Variants in CREB5 observed in about 807,000 individuals in gnomAD.
CREB5 encodes the protein cAMP responsive element binding protein 5.
A neutral mutation model predicts 57.1 loss-of-function variants in CREB5; 19 were observed. That is an observed-to-expected ratio of 0.33 (90% CI 0.23 to 0.49). The LOEUF (loss-of-function observed/expected upper bound fraction) is 0.49. Among genes scored for constraint, CREB5 ranks in the 20% least tolerant of loss-of-function variants. The pLI is 0.99. For missense variants in CREB5, 579 were observed against 671.6 expected (o/e 0.86, Z 1.52); for synonymous variants, 238 against 238.3 (o/e 1.00, Z 0.01).
intron 4 of CREB5, among the ~76,000 whole-genome samples, chr7:28,560,891 T>C (rs1197700618): frequency 0.067 from 1,311 of 19,590 alleles, 126 homozygotes; most frequent in South Asian, 0.15. Flanking sequence ...TGCGTGCGTG[T>C]GTGTGCGTGC....
rs554934404 is a variant in CREB5 at position 28,656,824 on chromosome 7, T to A, written c.465-61929T>A. Among the ~76,000 whole-genome samples the A allele has an allele frequency of 4.8e-4, 73 of 151,954 alleles. No homozygotes were observed. In the South Asian group the frequency reaches 0.014, roughly 29 times the overall value. ...CTTTGGTTATTACAAACCAATTTTT[T>A]GACCTTGTGCATTTACATCTAAGAA... On this transcript the variant is annotated intron_variant, in intron 5 of 10. Coordinates refer to ENST00000357727, the MANE Select transcript of CREB5 (RefSeq NM_182898.4).
intron 5 of CREB5, among the ~76,000 whole-genome samples, chr7:28,670,141 G>A (rs1001017496): frequency 4.6e-5 from 7 of 152,266 alleles, no homozygotes; most frequent in African/African-American, 1.4e-4. Context: ...TGATCATACC[G>A]AACCCTCTAT....
intron 1 of CREB5, among the ~76,000 whole-genome samples, chr7:28,426,829 G>C (rs905267251): frequency 6.6e-6 from 1 of 152,152 alleles, no homozygotes; most frequent in Non-Finnish European, 1.5e-5. Flanking sequence ...ACTGAATCTT[G>C]CCTAGTTTTG....
At chr7:28,461,854 A>G (rs982593947) in intron 1 of CREB5, among the ~76,000 whole-genome samples, 8 of 152,132 alleles carry the variant, frequency 5.3e-5, no homozygotes, top group African/African-American at 1.9e-4. Flanking sequence ...TAGAGAGCCC[A>G]CTTGTAGTTT....
chr7:28,699,719 T>C (rs1249697246), intron 5 of CREB5, among the ~76,000 whole-genome samples: 1 of 152,150 alleles, frequency 6.6e-6, no homozygotes, highest in Non-Finnish European at 1.5e-5. Flanking sequence ...GAAACAGAAA[T>C]AGTAGGGCCA....
chr7:28,311,379 A>T (rs188144134), intron 1 of CREB5, among the ~76,000 whole-genome samples: 20 of 152,278 alleles, frequency 1.3e-4, no homozygotes, highest in Admixed American at 4.6e-4. Context: ...CTGTTTCTGC[A>T]TCATTAAAAC....
chr7:28,563,174 A>G (rs1407879383), intron 4 of CREB5, among the ~76,000 whole-genome samples: 1 of 152,146 alleles, frequency 6.6e-6, no homozygotes, highest in Non-Finnish European at 1.5e-5. Context: ...AATATTACTA[A>G]TATTAATATC....
rs1809638186 is a variant in CREB5 at position 28,819,444 on chromosome 7, T to A, written c.*165T>A. 3.0e-6 allele frequency: 2 copies of A among 669,718 alleles called. No individual in the cohort carries two copies. Among genetic ancestry groups the A allele is most frequent in the Non-Finnish European group, 4.7e-6 (2 of 425,772 alleles). 41.5% of individuals were successfully genotyped at this position (669,718 alleles called of 1,614,324 possible). On this transcript the variant is annotated 3_prime_UTR_variant, in exon 11 of 11. Transcript: ENST00000357727. ...TGGAAATGTTGTCTTTTATACTTAG[T>A]TATATAAGAAAAAAGGGAGTTATGC... is the stretch of plus-strand genomic sequence containing the variant.
At chr7:28,316,683 T>C (rs912851161) in intron 1 of CREB5, among the ~76,000 whole-genome samples, 3 of 152,156 alleles carry the variant, frequency 2.0e-5, no homozygotes, top group Non-Finnish European at 2.9e-5. Context: ...TCATTTTTCT[T>C]AGTGTATAAC....
Position 28,560,866 on chromosome 7 carries a change from C to CGTGGGTGTGTG in CREB5, c.292-9499_292-9498insGTGGGTGTGTG, listed in dbSNP as rs1562797336. On this transcript the variant is annotated intron_variant, in intron 4 of 10. Coordinates refer to ENST00000357727, the MANE Select transcript of CREB5 (RefSeq NM_182898.4). ...TGTGCGCGTGTGTGTGTGCGTGTGC[C>CGTGGGTGTGTG]TGCGTGCGCGTGCGTGCGTGCGTGT... Among the ~76,000 whole-genome samples the CGTGGGTGTGTG allele has an allele frequency of 3.2e-4, 16 of 50,290 alleles. 1 individual carries two copies. The highest frequency in any genetic ancestry group is 1.1e-3 in the African/African-American group (16 of 14,302). 33.0% of individuals were successfully genotyped at this position (50,290 alleles called of 152,430 possible). A position where few individuals can be genotyped will look rare whatever the true frequency, so the allele number is the denominator to read the frequency against.
rs758803813 is a variant in CREB5 at position 28,819,315 on chromosome 7, T to C, written c.*36T>C. 1 of 1,594,736 alleles carries C rather than the reference T, an allele frequency of 6.3e-7. No individual in the cohort carries two copies. Among genetic ancestry groups the C allele is most frequent in the African/African-American group, 1.3e-5 (1 of 74,376 alleles). ...CAGACCTGGCCTCCAAGAAGAGCTG[T>C]AGCGTACCATGCGTCCTTTCTTTTA... On this transcript the variant is annotated 3_prime_UTR_variant, in exon 11 of 11. Transcript: ENST00000357727.
chr7:28,557,540 C>A (rs1794926573), intron 4 of CREB5, among the ~76,000 whole-genome samples: 1 of 150,988 alleles, frequency 6.6e-6, no homozygotes, highest in Admixed American at 6.6e-5. Flanking sequence ...TGCTTTTGGA[C>A]CAGAATAAGT....
At chr7:28,409,790 C>T (rs761997468), upstream of CREB5, 31 of 445,550 alleles carry the variant, frequency 7.0e-5, no homozygotes, top group Non-Finnish European at 1.2e-4. This position sits in a 1 kb window ranked among gnomAD's most constrained non-coding sequence, Gnocchi z 4.4. Flanking sequence ...GGGATGCTAA[C>T]GTGGAGCCGG....
intron 7 of CREB5, among the ~76,000 whole-genome samples, chr7:28,777,202 A>ATTGTC (rs1806711124): frequency 6.6e-6 from 1 of 152,186 alleles, no homozygotes; most frequent in South Asian, 2.1e-4. Flanking sequence ...TTCTAGCTTA[A>ATTGTC]TTGTCTTCAT....
chr7:28,487,750 T>G (rs1284967752), intron 1 of CREB5, among the ~76,000 whole-genome samples: 2 of 152,158 alleles, frequency 1.3e-5, no homozygotes, highest in Non-Finnish European at 2.9e-5. Flanking sequence ...AGTTACCCAG[T>G]GATTGCCATT....
chr7:28,393,169 C>T (rs772436312), intron 1 of CREB5, among the ~76,000 whole-genome samples: 4 of 152,196 alleles, frequency 2.6e-5, no homozygotes, highest in African/African-American at 4.8e-5. Flanking sequence ...TCAGGTGATC[C>T]ACCCACCTTG....
At chr7:28,746,894 G>A (rs976254867) in intron 7 of CREB5, among the ~76,000 whole-genome samples, 7 of 152,138 alleles carry the variant, frequency 4.6e-5, no homozygotes, top group Non-Finnish European at 7.4e-5. Flanking sequence ...GTTCCCAGAC[G>A]TTTCTTAGGC....
In CREB5 at chr7:28,730,354, A is replaced by ATTTT. The variant is rs34752067; in HGVS notation, c.702+6032_702+6035dup. Among the ~76,000 whole-genome samples the ATTTT allele has an allele frequency of 9.2e-3, 1,348 of 147,088 alleles. 22 individuals are homozygous for ATTTT. The highest frequency in any genetic ancestry group is 0.031 in the African/African-American group (1,245 of 40,108). ...GCAGATGCGCCACCACACCCAGATA[A>ATTTT]TTTTTTTTTTTTTGAGACAGAGTCT... On this transcript the variant is annotated intron_variant, in intron 7 of 10. Coordinates refer to ENST00000357727, the MANE Select transcript of CREB5 (RefSeq NM_182898.4).
At chr7:28,475,614 G>A (rs1233166611) in intron 1 of CREB5, among the ~76,000 whole-genome samples, 1 of 151,718 alleles carries the variant, frequency 6.6e-6, no homozygotes, top group Admixed American at 6.6e-5. Context: ...GTATAAAGAG[G>A]GTGTCACAAT....
Sources: gnomAD v4.1 joint callset for allele counts (sites outside exome capture counted in the v4.1 genomes callset) on GRCh38, gnomAD v4.1.1 for gene constraint, Gnocchi (gnomAD v3.1) non-coding constraint, MANE v1.5 for transcripts, NCBI Gene and HGNC (gene_info 2026-07-23, HGNC 2026-07-21) for gene names.